Variants in NOTCH2NLR observed in about 807,000 individuals in gnomAD.
The protein encoded by NOTCH2NLR is notch 2 N-terminal like R, also known as notch 2 N-terminal like R (pseudogene).
A neutral mutation model predicts 35.6 loss-of-function variants in NOTCH2NLR; 33 were observed. That is an observed-to-expected ratio of 0.93 (90% CI 0.70 to 1.24). The LOEUF (loss-of-function observed/expected upper bound fraction) is 1.24. NOTCH2NLR is among the 50% of genes most tolerant of loss of function. The probability of loss-of-function intolerance (pLI) is 0.00; values close to 1 mark genes in which losing one functional copy is unlikely to be tolerated. For missense variants in NOTCH2NLR, 276 were observed against 362.2 expected (o/e 0.76, Z 1.93); for synonymous variants, 103 against 141.0 (o/e 0.73, Z 1.91).
chr1:120,781,767 C>A (rs1264873830), intron 2 of NOTCH2NLR, among the ~76,000 whole-genome samples: 1 of 115,474 alleles, frequency 8.7e-6, no homozygotes, highest in Non-Finnish European at 1.7e-5. Context: ...ACTGTGTTAG[C>A]CAGGATGGTC....
rs1193122540 is a variant in NOTCH2NLR at position 120,777,483 on chromosome 1, T to C, written c.156-7491T>C. Among the ~76,000 whole-genome samples the C allele has an allele frequency of 8.8e-4, 97 of 110,752 alleles. 38 individuals carry two copies. Among genetic ancestry groups the C allele is most frequent in the African/African-American group, 5.3e-3 (96 of 18,242 alleles). 72.7% of individuals were successfully genotyped at this position (110,752 alleles called of 152,430 possible). Reference sequence around the variant, plus strand: ...TGTGTGAGAGTGAGAGATTGTATACTTGTCTTTGTTTCTTCACATACAACT... The same window carrying C: ...TGTGTGAGAGTGAGAGATTGTATACCTGTCTTTGTTTCTTCACATACAACT... On this transcript the variant is annotated intron_variant, in intron 2 of 4. Transcript: ENST00000624419.
At chr1:120,737,733 T>C (rs1650921124) in intron 1 of NOTCH2NLR, among the ~76,000 whole-genome samples, 1 of 125,582 alleles carries the variant, frequency 8.0e-6, no homozygotes, top group Admixed American at 7.7e-5. Flanking sequence ...GTGTCATTAG[T>C]GATTCAGAAT....
intron 1 of NOTCH2NLR, among the ~76,000 whole-genome samples, chr1:120,745,840 G>T (rs1349071353): frequency 1.1e-5 from 1 of 88,862 alleles, no homozygotes; most frequent in Non-Finnish European, 2.0e-5. Context: ...AAAAAACAAG[G>T]TAAAGTAATT....
Position 120,763,655 on chromosome 1 carries a change from C to A in NOTCH2NLR, c.101C>A (p.Pro34His), listed in dbSNP as rs1651157166. 13 of 1,411,404 alleles carry A rather than the reference C, an allele frequency of 9.2e-6. 1 individual carries two copies. The highest frequency in any genetic ancestry group is 1.1e-5 in the Non-Finnish European group (12 of 1,053,816). The allele number at this position is 1,411,404 out of a possible 1,614,324, so 87.4% of individuals were successfully genotyped here. ...TTGCAGTGTCGAGATGGCTATGAAC[C>A]CTGTGTAAATAAAGGAATGTGTGTT... Residue 34 changes from proline to histidine, a missense_variant, in exon 2 of 5, where the codon CCC (proline) becomes CAC (histidine). Physicochemically the swap from Pro to His is moderately conservative, Grantham distance 77. Coordinates refer to ENST00000624419, the Ensembl canonical transcript of NOTCH2NLR.
Position 120,785,085 on chromosome 1 carries a change from G to A in NOTCH2NLR, c.267G>A (p.Thr89=), listed in dbSNP as rs1208319302. The A allele has an allele frequency of 6.9e-3, 9,984 of 1,446,238 alleles. 2,281 individuals carry two copies. The highest frequency in any genetic ancestry group is 8.3e-3 in the Non-Finnish European group (8,937 of 1,082,260). 89.6% of individuals were successfully genotyped at this position (1,446,238 alleles called of 1,614,324 possible). ...CCCAGGCCATGCTGGGGAAAGCCAC[G>A]TGCCGGTGTGCCTCAGGGTTTACAG... The change falls in exon 3 of 5, where the codon ACG becomes ACA. Residue 89 remains threonine, a synonymous_variant. Coordinates refer to ENST00000624419, the Ensembl canonical transcript of NOTCH2NLR.
In NOTCH2NLR at chr1:120,770,462, C is replaced by A. The variant is rs1313980323; in HGVS notation, c.155+6753C>A. Among the ~76,000 whole-genome samples, 4 of 113,054 alleles carry A rather than the reference C, an allele frequency of 3.5e-5. 2 individuals carry two copies. Among genetic ancestry groups the A allele is most frequent in the African/African-American group, 2.3e-4 (4 of 17,506 alleles). The allele number at this position is 113,054 out of a possible 152,430, so 74.2% of individuals were successfully genotyped here. A position where few individuals can be genotyped will look rare whatever the true frequency, so the allele number is the denominator to read the frequency against. Reference sequence around the variant, plus strand: ...GGGATTACAGGCGTGAGCCACCACACCCAGCCGAGGACATAGGTTTTTTTA... The same window carrying A: ...GGGATTACAGGCGTGAGCCACCACAACCAGCCGAGGACATAGGTTTTTTTA... On this transcript the variant is annotated intron_variant, in intron 2 of 4. Coordinates refer to ENST00000624419, the Ensembl canonical transcript of NOTCH2NLR.
In NOTCH2NLR at chr1:120,735,344, C is replaced by T. The variant is rs1157680590; in HGVS notation, c.73+11094C>T. On this transcript the variant is annotated intron_variant, in intron 1 of 4. Coordinates refer to ENST00000624419, the Ensembl canonical transcript of NOTCH2NLR. ...CCTCCCAAAGTGCTGGGATTACAGG[C>T]GTGAGCCACCGTGCCTGGTCCTTGC... Among the ~76,000 whole-genome samples, 6 of 83,264 alleles carry T rather than the reference C, an allele frequency of 7.2e-5. 1 individual carries two copies. The highest frequency in any genetic ancestry group is 1.2e-4 in the Admixed American group (1 of 8,534). 54.6% of individuals were successfully genotyped at this position (83,264 alleles called of 152,430 possible).
chr1:120,760,217 T>G (rs1295833958), intron 1 of NOTCH2NLR, among the ~76,000 whole-genome samples: 1 of 68,244 alleles, frequency 1.5e-5, no homozygotes, highest in Non-Finnish European at 2.4e-5. Flanking sequence ...AGATGGAGTC[T>G]CTCTCTGTCA....
intron 1 of NOTCH2NLR, among the ~76,000 whole-genome samples, chr1:120,724,624 C>T (rs1190220073): frequency 8.3e-6 from 1 of 120,280 alleles, no homozygotes; most frequent in East Asian, 2.1e-4. Flanking sequence ...CGGCGGGCCT[C>T]GGAGGGGCTG....
intron 1 of NOTCH2NLR, among the ~76,000 whole-genome samples, chr1:120,724,777 G>T (rs1176704929): frequency 1.8e-5 from 2 of 110,858 alleles, no homozygotes; most frequent in Non-Finnish European, 1.8e-5. Flanking sequence ...TGGGGACGGG[G>T]TTTTGCGGCG....
At chr1:120,790,745 A>G (rs1405641467) in intron 3 of NOTCH2NLR, among the ~76,000 whole-genome samples, 2 of 110,408 alleles carry the variant, frequency 1.8e-5, no homozygotes, top group Non-Finnish European at 3.4e-5. Flanking sequence ...GATTACAGGT[A>G]TGCGCTATGA....
chr1:120,777,864 G>C (rs1211210777), intron 2 of NOTCH2NLR, among the ~76,000 whole-genome samples: 1 of 109,170 alleles, frequency 9.2e-6, no homozygotes, highest in Non-Finnish European at 1.7e-5. Context: ...AAGCCCATCA[G>C]ACCTCAGCCA....
At chr1:120,788,187 CTT>C (rs1651445012) in intron 3 of NOTCH2NLR, among the ~76,000 whole-genome samples, 1 of 64,692 alleles carries the variant, frequency 1.5e-5, no homozygotes, top group Non-Finnish European at 2.6e-5. Context: ...CATGAATACT[CTT>C]TCTTACCTCC....
rs1373772506 is a variant in NOTCH2NLR, at chr1:120,729,806, T to C, written c.73+5556T>C. Among the ~76,000 whole-genome samples the C allele has an allele frequency of 2.6e-5, 3 of 114,744 alleles. 1 individual carries two copies. The highest frequency in any genetic ancestry group is 2.2e-4 in the East Asian group (1 of 4,650). 75.3% of individuals were successfully genotyped at this position (114,744 alleles called of 152,430 possible). On this transcript the variant is annotated intron_variant, in intron 1 of 4. Transcript: ENST00000624419. ...TCTGGGAATTTGTGTGTTCAAGAAA[T>C]AGCCAGGTGATTCTTACATTAGGAA...
Position 120,777,898 on chromosome 1 carries a change from C to G in NOTCH2NLR, c.156-7076C>G, listed in dbSNP as rs1651316326. On this transcript the variant is annotated intron_variant, in intron 2 of 4. Transcript: ENST00000624419. ...CAGGAGGTACTGAAAGGAGGGAGAC[C>G]AGTGAGTTTAGACCAATAGGTGGGT... is the stretch of plus-strand genomic sequence containing the variant. 2.0e-5 allele frequency among the ~76,000 whole-genome samples: 2 copies of G among 102,232 alleles called. 1 individual carries two copies. The highest frequency in any genetic ancestry group is 1.3e-4 in the African/African-American group (2 of 15,778). The allele number at this position is 102,232 out of a possible 152,430, so 67.1% of individuals were successfully genotyped here.
At chr1:120,759,307 G>C (rs1331064069) in intron 1 of NOTCH2NLR, among the ~76,000 whole-genome samples, 1 of 34,418 alleles carries the variant, frequency 2.9e-5, no homozygotes, top group Admixed American at 2.5e-4. Flanking sequence ...GTAGAGGAGG[G>C]CCTGCACAAA....
chr1:120,781,708 C>T lies in NOTCH2NLR; in HGVS notation c.156-3266C>T, dbSNP rs1268128716. On this transcript the variant is annotated intron_variant, in intron 2 of 4. Coordinates refer to ENST00000624419, the Ensembl canonical transcript of NOTCH2NLR. ...CCTCCCGAGTAGCTGGGACTACAGG[C>T]GCCTGCCACCACGCCTGGCTAATTT... Among the ~76,000 whole-genome samples, 23 of 82,872 alleles carry T rather than the reference C, an allele frequency of 2.8e-4. 4 individuals are homozygous for T. Among genetic ancestry groups the T allele is most frequent in the South Asian group, 1.6e-3 (5 of 3,040 alleles). 54.4% of individuals were successfully genotyped at this position (82,872 alleles called of 152,430 possible).
exon 4 of NOTCH2NLR, chr1:120,793,416 C>A: frequency 2.8e-6 from 4 of 1,442,046 alleles, no homozygotes; most frequent in Non-Finnish European, 1.9e-6. Context: ...CTGTATGTGC[C>A]CTGTGCACAC....
rs1386909882 is a variant in NOTCH2NLR, at chr1:120,784,270, G to A, written c.156-704G>A. 5.1e-5 allele frequency among the ~76,000 whole-genome samples: 6 copies of A among 118,086 alleles called. 2 individuals carry two copies. The highest frequency in any genetic ancestry group is 2.4e-4 in the South Asian group (1 of 4,090). 77.5% of individuals were successfully genotyped at this position (118,086 alleles called of 152,430 possible). ...AAGCAAATATATGGTTCTGTACACC[G>A]GCTTTAGGAGAGTAAGTCTGTTGTA... On this transcript the variant is annotated intron_variant, in intron 2 of 4. Coordinates refer to ENST00000624419, the Ensembl canonical transcript of NOTCH2NLR.
Sources: allele counts gnomAD v4.1 joint callset (sites outside exome capture counted in the v4.1 genomes callset), GRCh38; gene constraint gnomAD v4.1.1; transcripts MANE v1.5; gene names NCBI Gene and HGNC (gene_info 2026-07-23, HGNC 2026-07-21).